CACNG7: variants seen among roughly 807,000 people sequenced by gnomAD.
The protein encoded by CACNG7 is calcium voltage-gated channel auxiliary subunit gamma 7, also known as voltage-dependent calcium channel gamma-7 subunit.
In CACNG7, 9 loss-of-function variants were observed where a neutral mutation model predicts 26.3. That is an observed-to-expected ratio of 0.34 (90% confidence interval 0.21 to 0.60). CACNG7 has a LOEUF of 0.60. Among genes scored for constraint, CACNG7 ranks in the 20% least tolerant of loss-of-function variants. The pLI, the probability that CACNG7 is intolerant of heterozygous loss-of-function variation, is 0.81. For synonymous variants in CACNG7, 170 were observed against 157.0 expected (o/e 1.08, Z -0.62); for missense variants, 297 against 380.4 (o/e 0.78, Z 1.82).
At chr19:53,919,479 C>A (rs980412652) in intron 4 of CACNG7, among the ~76,000 whole-genome samples, 1 of 149,732 alleles carries the variant, frequency 6.7e-6, no homozygotes, top group Non-Finnish European at 1.5e-5. Context: ...TGGACTTGCC[C>A]CAGGTCTGGT....
At chr19:53,916,923 G>A (rs373289283) in intron 4 of CACNG7, among the ~76,000 whole-genome samples, 25 of 151,388 alleles carry the variant, frequency 1.7e-4, no homozygotes, top group African/African-American at 2.4e-4. Flanking sequence ...TCACCTTCCC[G>A]AATAGCTGGG....
chr19:53,921,463 C>T (rs377587400), intron 4 of CACNG7, among the ~76,000 whole-genome samples: 1 of 123,250 alleles, frequency 8.1e-6, no homozygotes, highest in African/African-American at 3.4e-5. Context: ...TCTGGTATTG[C>T]TGGAGTTGTC....
At position 53,909,390 on chromosome 19, in the gene CACNG7, C is replaced by CGGGGCG. The variant is rs1354304809; in HGVS notation, c.-146_-141dup. On this transcript the variant is annotated 5_prime_UTR_variant, in exon 1 of 6. Coordinates refer to ENST00000391767, the MANE Select transcript of CACNG7 (RefSeq NM_031896.5). The surrounding 1 kb of genome is among the most constrained non-coding windows in gnomAD (Gnocchi z 5.1). ...GGGAGGGGGCCGGGACGCCGGGCTCCGGGGCGGGGGCGGGGGGCGCGGGCA... is the reference window on the plus strand; with the variant it reads ...GGGAGGGGGCCGGGACGCCGGGCTCCGGGGCGGGGGCGGGGGCGGGGGGCGCGGGCA... 1 of 134,330 alleles carries CGGGGCG rather than the reference C, an allele frequency of 7.4e-6. No individual in the cohort carries two copies. Among genetic ancestry groups the CGGGGCG allele is most frequent in the Non-Finnish European group, 1.6e-5 (1 of 61,098 alleles). 8.3% of individuals were successfully genotyped at this position (134,330 alleles called of 1,614,324 possible).
intron 3 of CACNG7, 149 bp from the exon 4 acceptor site, chr19:53,915,216 G>A (rs372056073): frequency 1.6e-6 from 1 of 628,572 alleles, no homozygotes; most frequent in African/African-American, 1.8e-5. Flanking sequence ...AGGGGAAGGA[G>A]AAGAGTCAGT....
rs535081093 is a variant in CACNG7, at chr19:53,939,149, G to A, written c.425-2321G>A. Among the ~76,000 whole-genome samples the A allele has an allele frequency of 2.0e-5, 3 of 151,962 alleles. No homozygotes were observed. Among genetic ancestry groups the A allele is most frequent in the East Asian group, 1.9e-4 (1 of 5,156 alleles). ...GCGGGTGCCTGTTAATTCCAGCTAC[G>A]CAGGAGGCTGAGGCAGGAGAATCGC... On this transcript the variant is annotated intron_variant, in intron 4 of 5. Transcript: ENST00000391767. The surrounding 1 kb of genome is among the most constrained non-coding windows in gnomAD (Gnocchi z 4.2).
chr19:53,924,963 G>T (rs116669202), intron 4 of CACNG7, among the ~76,000 whole-genome samples: 3 of 142,586 alleles, frequency 2.1e-5, no homozygotes, highest in Non-Finnish European at 4.5e-5. Flanking sequence ...GCTGGTGATT[G>T]GTGGTGTTGT....
At chr19:53,915,016 AT>A (rs60255922) in intron 3 of CACNG7, among the ~76,000 whole-genome samples, 27,114 of 144,670 alleles carry the variant, frequency 0.19, 2,865 homozygotes, top group Middle Eastern at 0.24. Context: ...AAAAAAAAAA[AT>A]AAATAAAAGG....
chr19:53,935,109 G>C (rs2069096949), intron 4 of CACNG7, among the ~76,000 whole-genome samples: 1 of 151,638 alleles, frequency 6.6e-6, no homozygotes, highest in Non-Finnish European at 1.5e-5. Flanking sequence ...ATATGCATAT[G>C]TGTGCACAAA....
At chr19:53,916,551 C>T (rs1044231976) in intron 4 of CACNG7, among the ~76,000 whole-genome samples, 2 of 142,482 alleles carry the variant, frequency 1.4e-5, no homozygotes, top group African/African-American at 5.4e-5. Context: ...TACAATGGCA[C>T]GATCTCAGCT....
intron 4 of CACNG7, among the ~76,000 whole-genome samples, chr19:53,916,679 T>A (rs995657585): frequency 1.4e-5 from 2 of 147,172 alleles, no homozygotes; most frequent in South Asian, 2.1e-4. Context: ...TTTTTTTTTT[T>A]AATAGAGACG....
intron 4 of CACNG7, among the ~76,000 whole-genome samples, chr19:53,929,058 G>A (rs148879820): frequency 0.033 from 4,723 of 142,724 alleles, 261 homozygotes; most frequent in African/African-American, 0.12. Flanking sequence ...GCAGTGAGCT[G>A]AGATGGCGCC....
chr19:53,932,826 T>C (rs957968056), intron 4 of CACNG7, among the ~76,000 whole-genome samples: 1 of 151,186 alleles, frequency 6.6e-6, no homozygotes, highest in Admixed American at 6.6e-5. Context: ...TGTTTTCTTT[T>C]CTCTCTCCTT....
At position 53,912,715 on chromosome 19, in the gene CACNG7, GC is replaced by G. The variant is rs1371703576; in HGVS notation, c.-29-87del. ...TTCGATTTGGGAGTCAGTGTCTCTGGCTAGGGCCCAGCATCCCGGGTTGCTG... is the reference window on the plus strand; with the variant it reads ...TTCGATTTGGGAGTCAGTGTCTCTGGTAGGGCCCAGCATCCCGGGTTGCTG... On this transcript the variant is annotated intron_variant, in intron 1 of 5. Transcript: ENST00000391767. The surrounding 1 kb of genome is among the most constrained non-coding windows in gnomAD (Gnocchi z 4.6). 3.8e-6 allele frequency: 4 copies of G among 1,050,468 alleles called. No homozygotes were observed. In the Admixed American group the frequency reaches 8.0e-5, roughly 21 times the overall value. The allele number at this position is 1,050,468 out of a possible 1,614,324, so 65.1% of individuals were successfully genotyped here.
chr19:53,923,796 G>C (rs1276451773), intron 4 of CACNG7, among the ~76,000 whole-genome samples: 1 of 116,670 alleles, frequency 8.6e-6, no homozygotes, highest in East Asian at 2.5e-4. Flanking sequence ...AGTTGCCCCA[G>C]GTCTGGTCAT....
chr19:53,913,012 G>A lies in CACNG7; in HGVS notation c.181G>A (p.Val61Ile), dbSNP rs532242896. ...GGCCCTGCACGCCGGCCTCTGGCGA[G>A]TCTGCTTCTTTGCAGGTACAGCCCT... ...KMALHAGLWRVCFFAGREKGR... is the reference protein window; with the variant it reads ...KMALHAGLWRICFFAGREKGR... The change falls in exon 2 of 6, where the codon GTC (valine) becomes ATC (isoleucine). Residue 61 changes from valine to isoleucine, a missense_variant. Transcript: ENST00000391767. 2.5e-5 allele frequency: 40 copies of A among 1,611,260 alleles called. 1 individual carries two copies. In the South Asian group the frequency reaches 4.3e-4, roughly 17 times the overall value.
Position 53,943,746 on chromosome 19 carries a change from G to T in CACNG7, c.*1453G>T, listed in dbSNP as rs1039024536. The T allele has an allele frequency of 6.6e-6, 1 of 152,148 alleles. No homozygotes were observed. The highest frequency in any genetic ancestry group is 6.5e-5 in the Admixed American group (1 of 15,272). 9.4% of individuals were successfully genotyped at this position (152,148 alleles called of 1,614,324 possible). On this transcript the variant is annotated 3_prime_UTR_variant, in exon 6 of 6. Coordinates refer to ENST00000391767, the MANE Select transcript of CACNG7 (RefSeq NM_031896.5). ...CCGCCTGCCCGGAGGGAAGGGATTG[G>T]ATAGAGGGGGCTTAGTCTGGGTCTC...
intron 4 of CACNG7, among the ~76,000 whole-genome samples, chr19:53,920,804 G>GCCCCAGGCTGGTCATTGGTGGAGTTGT (rs2068940612): frequency 1.1e-5 from 1 of 92,242 alleles, no homozygotes; most frequent in African/African-American, 6.4e-5. Flanking sequence ...TGGTGGACTT[G>GCCCCAGGCTGGTCATTGGTGGAGTTGT]CCCCAGGCTG....
In CACNG7 at chr19:53,912,769, C is replaced by T; in HGVS notation, c.-29-34C>T. The T allele has an allele frequency of 3.2e-6, 5 of 1,567,094 alleles. No individual in the cohort carries two copies. The South Asian group carries it at 5.5e-5, about 17-fold the overall frequency. ...TGGGGTCAAGCACTCTGGTCGGTCC[C>T]ATGGAGCTCTGCACTGTAGCTTCCC... On this transcript the variant is annotated intron_variant, in intron 1 of 5. Coordinates refer to ENST00000391767, the MANE Select transcript of CACNG7 (RefSeq NM_031896.5). The surrounding 1 kb of genome is among the most constrained non-coding windows in gnomAD (Gnocchi z 4.6).
intron 4 of CACNG7, among the ~76,000 whole-genome samples, chr19:53,919,344 CCCAGGTCTGGTCATTGGTGGAGTTGT>C (rs1163335471): frequency 1.3e-5 from 2 of 151,458 alleles, no homozygotes; most frequent in Non-Finnish European, 2.9e-5. Context: ...GGTGGAGTTG[CCCAGGTCTGGTCATTGGTGGAGTTGT>C]CCCAGGTCTG....
Sources: allele counts gnomAD v4.1 joint callset (sites outside exome capture counted in the v4.1 genomes callset), GRCh38; gene constraint gnomAD v4.1.1; non-coding constraint Gnocchi (gnomAD v3.1); transcripts MANE v1.5; gene names NCBI Gene and HGNC (gene_info 2026-07-23, HGNC 2026-07-21).